The following SH3GL3 variants were observed in gnomAD, a reference collection of about 807,000 sequenced individuals.
SH3GL3 encodes endophilin-A3.
In SH3GL3, 33 loss-of-function variants were observed where a neutral mutation model predicts 47.7. That is an observed-to-expected ratio of 0.69 (90% CI 0.52 to 0.92). The LOEUF (loss-of-function observed/expected upper bound fraction) is 0.92, where lower values mean the gene tolerates loss of function less well. Among genes scored for constraint, SH3GL3 ranks in the 40% least tolerant of loss-of-function variants. The pLI is 0.00. For synonymous variants in SH3GL3, 155 were observed against 148.8 expected (o/e 1.04, Z -0.30); for missense variants, 363 against 417.8 (o/e 0.87, Z 1.14).
At chr15:83,544,124 CTT>C (rs1372238536) in intron 1 of SH3GL3, among the ~76,000 whole-genome samples, 1 of 151,406 alleles carries the variant, frequency 6.6e-6, no homozygotes, top group Non-Finnish European at 1.5e-5. Flanking sequence ...AGTTTTTCTA[CTT>C]TTTTGATGTA....
chr15:83,450,750 G>GT (rs2039708390), intron 1 of SH3GL3, among the ~76,000 whole-genome samples: 3 of 81,266 alleles, frequency 3.7e-5, no homozygotes, highest in African/African-American at 4.4e-5. Context: ...ATTAAAATGG[G>GT]ATATTTTTCT....
At chr15:83,507,539 C>T (rs552643074) in intron 1 of SH3GL3, among the ~76,000 whole-genome samples, 5 of 151,850 alleles carry the variant, frequency 3.3e-5, no homozygotes, top group South Asian at 2.1e-4. Context: ...CTCTGCCTCC[C>T]GAGTAGCTGG....
intron 1 of SH3GL3, among the ~76,000 whole-genome samples, chr15:83,502,386 A>T (rs2042331863): frequency 6.6e-6 from 1 of 152,252 alleles, no homozygotes; most frequent in African/African-American, 2.4e-5. Context: ...AGTAGGAGAC[A>T]GGAGAGGCCG....
chr15:83,621,929 C>A (rs969149310), downstream of SH3GL3, among the ~76,000 whole-genome samples: 2 of 152,134 alleles, frequency 1.3e-5, no homozygotes, highest in Non-Finnish European at 2.9e-5. Flanking sequence ...TCTTCTGATT[C>A]CACGGTACAT....
intron 1 of SH3GL3, among the ~76,000 whole-genome samples, chr15:83,557,192 C>T (rs774325951): frequency 3.9e-5 from 6 of 152,194 alleles, no homozygotes; most frequent in Non-Finnish European, 7.3e-5. Flanking sequence ...CTCCCCACCC[C>T]AGGAGAGATT....
chr15:83,632,865 A>G, the SH3GL3 span, among the ~76,000 whole-genome samples: 1 of 152,224 alleles, frequency 6.6e-6, no homozygotes, highest in African/African-American at 2.4e-5. Context: ...AATTCTCATA[A>G]TAAGCAATTT....
At chr15:83,608,630 G>C (rs947867371) in intron 8 of SH3GL3, among the ~76,000 whole-genome samples, 2 of 152,150 alleles carry the variant, frequency 1.3e-5, no homozygotes, top group African/African-American at 4.8e-5. Context: ...GATTGAGCAC[G>C]GTGCCTGGCT....
At chr15:83,517,583 G>T (rs1323119098) in intron 1 of SH3GL3, among the ~76,000 whole-genome samples, 1 of 151,940 alleles carries the variant, frequency 6.6e-6, no homozygotes, top group Non-Finnish European at 1.5e-5. Context: ...TGGTCATTTG[G>T]ATTTCCCTTG....
At chr15:83,465,203 T>C (rs6602978) in intron 1 of SH3GL3, among the ~76,000 whole-genome samples, 143,827 of 151,836 alleles carry the variant, frequency 0.95, 68,217 homozygotes, top group African/African-American at 0.99. Flanking sequence ...TCAGCTACTC[T>C]AGAGGCTGAG....
At chr15:83,495,025 G>C (rs2042026203) in intron 1 of SH3GL3, among the ~76,000 whole-genome samples, 1 of 152,148 alleles carries the variant, frequency 6.6e-6, no homozygotes, top group Non-Finnish European at 1.5e-5. Flanking sequence ...GGAAGGACAG[G>C]TGGAGAGGCT....
intron 6 of SH3GL3, 50 bp from the exon 7 acceptor site, chr15:83,586,933 C>A: frequency 1.0e-6 from 1 of 973,048 alleles, no homozygotes; most frequent in Non-Finnish European, 1.6e-6. Flanking sequence ...TCTCTCTGGA[C>A]ATTACACAGG....
chr15:83,599,878 G>A (rs1032416086), intron 8 of SH3GL3, among the ~76,000 whole-genome samples: 2 of 151,988 alleles, frequency 1.3e-5, no homozygotes, highest in African/African-American at 4.8e-5. Context: ...TTTGATTATT[G>A]CCATTCTTGC....
At chr15:83,484,033 A>G (rs1273655695) in intron 1 of SH3GL3, among the ~76,000 whole-genome samples, 1 of 152,168 alleles carries the variant, frequency 6.6e-6, no homozygotes. Flanking sequence ...CTGTGTTTTA[A>G]TGGCTTACTA....
At chr15:83,546,854 G>A (rs1171558255) in intron 1 of SH3GL3, among the ~76,000 whole-genome samples, 1 of 152,180 alleles carries the variant, frequency 6.6e-6, no homozygotes, top group Non-Finnish European at 1.5e-5. Flanking sequence ...TGGAAGCTAT[G>A]GCCTGAAATG....
At chr15:83,458,387 C>T (rs1319136096) in intron 1 of SH3GL3, among the ~76,000 whole-genome samples, 1 of 152,200 alleles carries the variant, frequency 6.6e-6, no homozygotes, top group Non-Finnish European at 1.5e-5. Flanking sequence ...CCTTCCTGAG[C>T]CAGGTGTTGT....
intron 8 of SH3GL3, among the ~76,000 whole-genome samples, chr15:83,612,607 T>C (rs1175079802): frequency 6.6e-6 from 1 of 152,220 alleles, no homozygotes; most frequent in East Asian, 1.9e-4. Flanking sequence ...GACAGCTGCC[T>C]TCTCCCGGGA....
At chr15:83,599,247 C>T (rs2060316407) in intron 8 of SH3GL3, among the ~76,000 whole-genome samples, 1 of 152,028 alleles carries the variant, frequency 6.6e-6, no homozygotes, top group Non-Finnish European at 1.5e-5. Context: ...TATTTGGTTA[C>T]ATAAGTAAGC....
At position 83,529,751 on chromosome 15, in the gene SH3GL3, C is replaced by A. The variant is rs2043586703; in HGVS notation, c.46-29502C>A. On this transcript the variant is annotated intron_variant, in intron 1 of 8. Coordinates refer to ENST00000427482, the MANE Select transcript of SH3GL3 (RefSeq NM_003027.5). ...TGGGGTGGCTGTTAGTGGGAGTGAC[C>A]CTAGGCATTTGGGCAGCTTTCAGGC... is the stretch of plus-strand genomic sequence containing the variant. 3.9e-5 allele frequency among the ~76,000 whole-genome samples: 6 copies of A among 151,928 alleles called. No homozygotes were observed. In the South Asian group the frequency reaches 1.2e-3, roughly 32 times the overall value.
At chr15:83,487,900 G>A (rs1258331678) in intron 1 of SH3GL3, among the ~76,000 whole-genome samples, 1 of 140,874 alleles carries the variant, frequency 7.1e-6, no homozygotes, top group South Asian at 2.3e-4. Context: ...TTCCTGAGAC[G>A]GAGTCTTGCT....
Sources: allele counts gnomAD v4.1 joint callset (sites outside exome capture counted in the v4.1 genomes callset), GRCh38; gene constraint gnomAD v4.1.1; transcripts MANE v1.5; gene names NCBI Gene and HGNC (gene_info 2026-07-23, HGNC 2026-07-21).